TUBB8B: variants seen among roughly 807,000 people sequenced by gnomAD.
TUBB8B encodes tubulin beta 8B, also known as HSA18p11 beta-tubulin 4Q pseudogene.
Under a neutral mutation model 31.9 loss-of-function variants are expected in TUBB8B, and 26 were observed. That is an observed-to-expected ratio of 0.81 (90% CI 0.60 to 1.13). TUBB8B has a LOEUF of 1.13. Ranked by LOEUF, TUBB8B falls within the 50% of genes most tolerant of loss-of-function variation. TUBB8B has a pLI of 0.00. For missense variants in TUBB8B, 467 were observed against 586.7 expected, an observed-to-expected ratio of 0.80 and a Z score of 2.11; for synonymous variants, 173 against 231.0, an observed-to-expected ratio of 0.75 and a Z score of 2.28.
At position 48,310 on chromosome 18, in the gene TUBB8B, G is replaced by A. The variant is rs1905820240; in HGVS notation, c.415C>T (p.Leu139=). Residue 139 remains leucine (L), a synonymous_variant, in exon 4 of 4, where the codon CTG becomes TTG. Coordinates refer to ENST00000308911, the MANE Select transcript of TUBB8B (RefSeq NM_001358689.2). ...CLQGFQLTHS[L]GGGTGSGMGT... ...ATCCCAGACCCAGTCCCCCCACCCA[G>A]GGAGTGGGTCAGCTGGAAACCCTGC... The A allele has an allele frequency of 6.8e-6, 11 of 1,610,706 alleles. No homozygotes were observed. The highest frequency in any genetic ancestry group is 7.6e-6 in the Non-Finnish European group (9 of 1,177,286).
the TUBB8B span, among the ~76,000 whole-genome samples, chr18:58,505 A>T: frequency 6.6e-6 from 1 of 151,652 alleles, no homozygotes; most frequent in Non-Finnish European, 1.5e-5. Flanking sequence ...AGACAACATG[A>T]ATGACCTTTG....
At chr18:51,825 C>T (rs1906119549), upstream of TUBB8B, among the ~76,000 whole-genome samples, 2 of 151,920 alleles carry the variant, frequency 1.3e-5, no homozygotes, top group Admixed American at 1.3e-4. Flanking sequence ...TGTGAGGCCT[C>T]TCCGACCATG....
the TUBB8B span, among the ~76,000 whole-genome samples, chr18:56,846 T>A: frequency 6.6e-6 from 1 of 151,892 alleles, no homozygotes; most frequent in Non-Finnish European, 1.5e-5. Context: ...CTGCTTCTGG[T>A]CAAGCCTCTG....
chr18:48,482 G>A (rs754982105), intron 3 of TUBB8B, 35 bp from the exon 4 acceptor site: 12 of 1,112,078 alleles, frequency 1.1e-5, no homozygotes, highest in Middle Eastern at 2.3e-4. Context: ...TCGACGGCCA[G>A]GTATACGGTC....
At chr18:53,044 T>C (rs1906172932), upstream of TUBB8B, among the ~76,000 whole-genome samples, 1 of 151,790 alleles carries the variant, frequency 6.6e-6, no homozygotes, top group Non-Finnish European at 1.5e-5. Context: ...TTTTTCAGGC[T>C]TGGTGGAAGA....
At chr18:55,499 G>A in the TUBB8B span, among the ~76,000 whole-genome samples, 1 of 151,798 alleles carries the variant, frequency 6.6e-6, no homozygotes, top group African/African-American at 2.4e-5. Context: ...GGGGAAGCAG[G>A]CACCTCTTCC....
chr18:52,058 T>C (rs1172257254), upstream of TUBB8B, among the ~76,000 whole-genome samples: 1 of 151,690 alleles, frequency 6.6e-6, no homozygotes, highest in Non-Finnish European at 1.5e-5. Flanking sequence ...TCATAAATAT[T>C]CTCCTATTAT....
chr18:47,760 G>T lies in TUBB8B; in HGVS notation c.965C>A (p.Pro322His), dbSNP rs752673544. 6.1e-5 allele frequency: 99 copies of T among 1,611,162 alleles called. 2 individuals are homozygous for T. Among genetic ancestry groups the T allele is most frequent in the Non-Finnish European group, 8.1e-5 (96 of 1,179,140 alleles). The change falls in exon 4 of 4, where the codon CCC (proline) becomes CAC (histidine). Residue 322 changes from proline (P) to histidine (H), a missense_variant. Around this residue, in one of 2 missense-constraint regions of TUBB8B, gnomAD observed 208 missense variants for 206.7 expected, o/e 1.01. Coordinates refer to ENST00000308911, the MANE Select transcript of TUBB8B (RefSeq NM_001358689.2). ...TVAAIFRGRM[P>H]MREVDEQMFN... ...CATTTGTTCATCCACCTCCCTCATG[G>T]GCATGCGACCCCTGAAAATGGCAGC...
chr18:62,063 GTTC>G, the TUBB8B span, among the ~76,000 whole-genome samples: 1 of 151,690 alleles, frequency 6.6e-6, no homozygotes, highest in East Asian at 1.9e-4. Context: ...GTCGGAAAAA[GTTC>G]TTATTTCTCT....
chr18:48,584 C>T lies in TUBB8B; in HGVS notation c.278-137G>A, dbSNP rs531982623. 5 of 740,560 alleles carry T rather than the reference C, an allele frequency of 6.8e-6. No individual in the cohort carries two copies. In the East Asian group the frequency reaches 1.1e-4, roughly 16 times the overall value. 45.9% of individuals were successfully genotyped at this position (740,560 alleles called of 1,614,324 possible). A position where few individuals can be genotyped will look rare whatever the true frequency, so the allele number is the denominator to read the frequency against. ...CCTGCAGGTGGAGCAAATGAAACTC[C>T]CTCCTCCAGAGTTACAGGACAGCAG... On this transcript the variant is annotated intron_variant, in intron 3 of 3. Transcript: ENST00000308911.
the TUBB8B span, among the ~76,000 whole-genome samples, chr18:56,596 T>C: frequency 0.26 from 39,129 of 151,504 alleles, 6,158 homozygotes; most frequent in East Asian, 0.51. Flanking sequence ...ATAGGGTTAC[T>C]TTTTTGAATT....
the TUBB8B span, among the ~76,000 whole-genome samples, chr18:63,599 A>G: frequency 4.7e-5 from 7 of 150,280 alleles, no homozygotes; most frequent in Non-Finnish European, 7.5e-5. Flanking sequence ...TGGCTACCAT[A>G]TAACTTTATT....
chr18:61,309 TC>T, the TUBB8B span, among the ~76,000 whole-genome samples: 1 of 151,706 alleles, frequency 6.6e-6, no homozygotes, highest in Non-Finnish European at 1.5e-5. Context: ...AATAACTTTT[TC>T]CATCATTTTA....
At chr18:62,878 C>A in the TUBB8B span, among the ~76,000 whole-genome samples, 1 of 151,818 alleles carries the variant, frequency 6.6e-6, no homozygotes, top group East Asian at 1.9e-4. Flanking sequence ...AGTCTGACTT[C>A]AAGTTCACTA....
chr18:56,276 G>A, the TUBB8B span, among the ~76,000 whole-genome samples: 11 of 151,508 alleles, frequency 7.3e-5, no homozygotes, highest in African/African-American at 2.7e-4. Context: ...CTCCAGTTTT[G>A]GTTTATATAC....
chr18:53,681 C>T (rs2144071178), upstream of TUBB8B, among the ~76,000 whole-genome samples: 1 of 151,928 alleles, frequency 6.6e-6, no homozygotes, highest in Admixed American at 6.6e-5. Context: ...GTTGGCCAGG[C>T]TGGTCTCAAA....
At chr18:65,166 T>C in the TUBB8B span, among the ~76,000 whole-genome samples, 1 of 151,990 alleles carries the variant, frequency 6.6e-6, no homozygotes, top group Non-Finnish European at 1.5e-5. Flanking sequence ...CCAGGTGTGG[T>C]GGCAGGAGCC....
At chr18:72,965 C>G in the TUBB8B span, among the ~76,000 whole-genome samples, 1 of 152,090 alleles carries the variant, frequency 6.6e-6, no homozygotes, top group Non-Finnish European at 1.5e-5. Context: ...AAGTCCGTCT[C>G]GAAAGAAACA....
chr18:64,397 G>A, the TUBB8B span, among the ~76,000 whole-genome samples: 1 of 152,158 alleles, frequency 6.6e-6, no homozygotes, highest in African/African-American at 2.4e-5. Flanking sequence ...ACTAAAGGAA[G>A]TGCTAATTAA....
Sources: allele counts gnomAD v4.1 joint callset (sites outside exome capture counted in the v4.1 genomes callset), GRCh38; gene constraint gnomAD v4.1.1; regional missense constraint gnomAD v4.1.1; transcripts MANE v1.5; gene names NCBI Gene and HGNC (gene_info 2026-07-23, HGNC 2026-07-21).